The following GNAQ variants were observed in gnomAD, a reference collection of about 807,000 sequenced individuals.
GNAQ encodes guanine nucleotide-binding protein G(q) subunit alpha.
Under a neutral mutation model 43.9 loss-of-function variants are expected in GNAQ, and 8 were observed. That is an observed-to-expected ratio of 0.18 (90% confidence interval 0.11 to 0.33). GNAQ has a LOEUF of 0.33. Among genes scored for constraint, GNAQ ranks in the 10% least tolerant of loss-of-function variants. The pLI, the probability that GNAQ is intolerant of heterozygous loss-of-function variation, is 1.00. For synonymous variants in GNAQ, 155 were observed against 170.7 expected, an observed-to-expected ratio of 0.91 and a Z score of 0.71; for missense variants, 158 against 450.8, an observed-to-expected ratio of 0.35 and a Z score of 5.88.
At chr9:77,937,714 G>GA (rs1829252402) in intron 1 of GNAQ, among the ~76,000 whole-genome samples, 1 of 151,922 alleles carries the variant, frequency 6.6e-6, no homozygotes, top group African/African-American at 2.4e-5. Flanking sequence ...CCAACATGGT[G>GA]AAACCCTGTC....
chr9:78,030,064 A>AT (rs887901981), intron 1 of GNAQ, among the ~76,000 whole-genome samples: 10 of 151,730 alleles, frequency 6.6e-5, no homozygotes, highest in Admixed American at 2.0e-4. Flanking sequence ...TTGAAGCAGA[A>AT]TTTTTTTTTC....
intron 5 of GNAQ, among the ~76,000 whole-genome samples, chr9:77,729,656 A>C (rs1022579260): frequency 6.6e-5 from 10 of 152,158 alleles, no homozygotes; most frequent in Non-Finnish European, 4.4e-5. Context: ...CCTTCCCATG[A>C]GGAGATAAAA....
At chr9:77,948,878 C>G (rs1822939537) in intron 1 of GNAQ, among the ~76,000 whole-genome samples, 1 of 152,120 alleles carries the variant, frequency 6.6e-6, no homozygotes, top group Non-Finnish European at 1.5e-5. Flanking sequence ...CCCCTAGATA[C>G]TTTCCATTTG....
At chr9:77,883,979 G>T (rs1408688115) in intron 2 of GNAQ, among the ~76,000 whole-genome samples, 1 of 152,234 alleles carries the variant, frequency 6.6e-6, no homozygotes, top group Non-Finnish European at 1.5e-5. Flanking sequence ...CTGAAGACAA[G>T]AGGATGTCTT....
At chr9:77,861,797 C>T (rs1025397087) in intron 2 of GNAQ, among the ~76,000 whole-genome samples, 46 of 152,074 alleles carry the variant, frequency 3.0e-4, no homozygotes, top group African/African-American at 9.9e-4. Flanking sequence ...GTCAGGAGTT[C>T]GAGACCAGCC....
At chr9:77,872,838 C>A (rs1239888700) in intron 2 of GNAQ, among the ~76,000 whole-genome samples, 1 of 152,154 alleles carries the variant, frequency 6.6e-6, no homozygotes, top group Non-Finnish European at 1.5e-5. Flanking sequence ...TAGAAACCAA[C>A]ACAATACACC....
At chr9:77,964,666 A>C (rs913154477) in intron 1 of GNAQ, among the ~76,000 whole-genome samples, 5 of 136,652 alleles carry the variant, frequency 3.7e-5, no homozygotes, top group Non-Finnish European at 8.0e-5. Flanking sequence ...ACTAAAAATA[A>C]AACAAAAACA....
intron 2 of GNAQ, among the ~76,000 whole-genome samples, chr9:77,861,845 C>T (rs989855708): frequency 6.6e-6 from 1 of 151,756 alleles, no homozygotes; most frequent in African/African-American, 2.4e-5. Flanking sequence ...ACTAAAAATA[C>T]AAAAATTAGC....
intron 5 of GNAQ, among the ~76,000 whole-genome samples, chr9:77,735,996 T>C (rs1156510553): frequency 6.6e-6 from 1 of 152,214 alleles, no homozygotes; most frequent in African/African-American, 2.4e-5. Flanking sequence ...CTATCACTGA[T>C]GGCAAAATTG....
At chr9:77,797,205 G>C (rs937462393) in intron 4 of GNAQ, among the ~76,000 whole-genome samples, 1 of 151,948 alleles carries the variant, frequency 6.6e-6, no homozygotes, top group Admixed American at 6.6e-5. Flanking sequence ...GCTAATTTTT[G>C]TATTTTTAGT....
chr9:77,946,155 C>CTA (rs1822891611), intron 1 of GNAQ, among the ~76,000 whole-genome samples: 1 of 152,138 alleles, frequency 6.6e-6, no homozygotes, highest in Non-Finnish European at 1.5e-5. Flanking sequence ...CACCATGCTG[C>CTA]TAGTGGATAC....
chr9:77,805,604 C>T (rs1400681148), intron 3 of GNAQ, among the ~76,000 whole-genome samples: 1 of 151,956 alleles, frequency 6.6e-6, no homozygotes, highest in Non-Finnish European at 1.5e-5. Flanking sequence ...TGGGGTTTCA[C>T]CTTGTTGGTC....
intron 1 of GNAQ, among the ~76,000 whole-genome samples, chr9:77,997,576 A>AGAACGTAT: frequency 6.6e-6 from 1 of 152,302 alleles, no homozygotes; most frequent in Non-Finnish European, 1.5e-5. Context: ...CGAGGTGATC[A>AGAACGTAT]GAACGGGATC....
intron 5 of GNAQ, among the ~76,000 whole-genome samples, chr9:77,778,993 T>C (rs1168236565): frequency 1.3e-5 from 2 of 152,034 alleles, no homozygotes; most frequent in African/African-American, 4.8e-5. Context: ...AACATCCATC[T>C]ATCAGAAATG....
chr9:77,901,780 C>T (rs1828620138), intron 2 of GNAQ, among the ~76,000 whole-genome samples: 1 of 152,196 alleles, frequency 6.6e-6, no homozygotes, highest in South Asian at 2.1e-4. Context: ...GGCTTATAAA[C>T]AACAAACATT....
At chr9:77,973,686 G>T (rs548903672) in intron 1 of GNAQ, among the ~76,000 whole-genome samples, 76 of 152,188 alleles carry the variant, frequency 5.0e-4, no homozygotes, top group Admixed American at 1.9e-3. Context: ...GCATGGTGGC[G>T]TGTGCCTATG....
At chr9:77,727,027 T>G (rs2118211399) in intron 6 of GNAQ, among the ~76,000 whole-genome samples, 1 of 152,224 alleles carries the variant, frequency 6.6e-6, no homozygotes, top group South Asian at 2.1e-4. Flanking sequence ...AAAACTTTAT[T>G]CATAAAACCA....
intron 1 of GNAQ, among the ~76,000 whole-genome samples, chr9:77,983,848 A>G (rs1823398980): frequency 6.6e-6 from 1 of 152,080 alleles, no homozygotes; most frequent in Non-Finnish European, 1.5e-5. Flanking sequence ...AGTCACGGTC[A>G]GAACTTGCTG....
At chr9:77,808,067 C>G (rs1020227847) in intron 3 of GNAQ, among the ~76,000 whole-genome samples, 1 of 152,064 alleles carries the variant, frequency 6.6e-6, no homozygotes, top group African/African-American at 2.4e-5. Flanking sequence ...GTGGAAAGGC[C>G]TACAAAGAAG....
Sources: allele counts gnomAD v4.1 joint callset (sites outside exome capture counted in the v4.1 genomes callset), GRCh38; gene constraint gnomAD v4.1.1; transcripts MANE v1.5; gene names NCBI Gene and HGNC (gene_info 2026-07-23, HGNC 2026-07-21).